KLRG2: variants seen among roughly 807,000 people sequenced by gnomAD.
KLRG2 encodes the protein killer cell lectin-like receptor subfamily G member 2.
Under a neutral mutation model 35.4 loss-of-function variants are expected in KLRG2, and 39 were observed. The observed-to-expected ratio is 1.10, with a 90% CI of 0.85 to 1.44. KLRG2 has a LOEUF of 1.44. Ranked by LOEUF, KLRG2 falls within the 40% of genes most tolerant of loss-of-function variation. The pLI, the probability that KLRG2 is intolerant of heterozygous loss-of-function variation, is 0.00. For synonymous variants in KLRG2, 283 were observed against 265.8 expected, an observed-to-expected ratio of 1.06 and a Z score of -0.63; for missense variants, 632 against 570.9, an observed-to-expected ratio of 1.11 and a Z score of -1.09.
At chr7:139,447,820 C>T (rs1454402798), downstream of KLRG2, among the ~76,000 whole-genome samples, 2 of 152,104 alleles carry the variant, frequency 1.3e-5, no homozygotes, top group Admixed American at 6.6e-5. Flanking sequence ...GCCTGGCTGC[C>T]GAAGCTGCCT....
chr7:139,462,010 C>T (rs977086412), intron 3 of KLRG2, among the ~76,000 whole-genome samples: 1 of 152,220 alleles, frequency 6.6e-6, no homozygotes, highest in Non-Finnish European at 1.5e-5. Flanking sequence ...TCTTTTTACG[C>T]TTTTCTCCAA....
At chr7:139,460,220 A>C (rs766160498) in intron 3 of KLRG2, among the ~76,000 whole-genome samples, 2 of 152,206 alleles carry the variant, frequency 1.3e-5, no homozygotes, top group Non-Finnish European at 2.9e-5. Flanking sequence ...GGAAGATACC[A>C]GGACTGTTTC....
chr7:139,445,567 CATG>C, the KLRG2 span, among the ~76,000 whole-genome samples: 18 of 151,618 alleles, frequency 1.2e-4, no homozygotes, highest in African/African-American at 3.6e-4. Flanking sequence ...GAAGAAGGGA[CATG>C]AGGCCTGACA....
intron 3 of KLRG2, among the ~76,000 whole-genome samples, chr7:139,456,405 A>G (rs2116429795): frequency 6.6e-6 from 1 of 152,208 alleles, no homozygotes; most frequent in South Asian, 2.1e-4. Context: ...TTGCTCAGCC[A>G]CCTAGGCTGG....
the KLRG2 span, among the ~76,000 whole-genome samples, chr7:139,441,822 G>A: frequency 6.6e-6 from 1 of 152,206 alleles, no homozygotes; most frequent in African/African-American, 2.4e-5. Context: ...TGGCCACCAC[G>A]TTCTGAACCA....
the KLRG2 span, among the ~76,000 whole-genome samples, chr7:139,446,250 C>G: frequency 6.6e-6 from 1 of 151,532 alleles, no homozygotes; most frequent in Admixed American, 6.6e-5. Flanking sequence ...AGTCTGCAGT[C>G]TCACTGAGCC....
rs753004658 is a variant in KLRG2 at position 139,454,157 on chromosome 7, G to A, written c.1063C>T (p.Pro355Ser). ...TCGTCGATCCAGTGCCAGCCCTGGG[G>A]GCCTCGCCAGGCCCCCACCCAGGAG... Reference protein sequence around the residue: ...RHSWVGAWRGPQGWHWIDEAP... With the variant: ...RHSWVGAWRGSQGWHWIDEAP... Residue 355 changes from proline to serine, a missense_variant, in exon 4 of 5, where the codon CCC becomes TCC. Pro to Ser is a moderately conservative substitution (Grantham distance 74, BLOSUM62 -1). Transcript: ENST00000340940. 3 of 1,545,140 alleles carry A rather than the reference G, an allele frequency of 1.9e-6. No homozygotes were observed. Among genetic ancestry groups the A allele is most frequent in the South Asian group, 2.4e-5 (2 of 83,510 alleles).
chr7:139,480,284 A>G (rs1295461804), intron 1 of KLRG2, 37 bp from the exon 2 acceptor site: 2 of 1,229,038 alleles, frequency 1.6e-6, no homozygotes, highest in Non-Finnish European at 2.4e-6. Context: ...AGATTAGTGG[A>G]GACCATCCCA....
the KLRG2 span, among the ~76,000 whole-genome samples, chr7:139,428,021 A>C: frequency 6.6e-6 from 1 of 152,214 alleles, no homozygotes. Flanking sequence ...TCTTTCTGGC[A>C]TAAAGTATTG....
intron 2 of KLRG2, 54 bp downstream of exon 2, chr7:139,480,092 G>C: frequency 8.4e-7 from 1 of 1,195,812 alleles, no homozygotes; most frequent in Non-Finnish European, 1.3e-6. Context: ...TGGAAACACA[G>C]CCCCAGTAGT....
chr7:139,459,410 C>T (rs1796531320), intron 3 of KLRG2, among the ~76,000 whole-genome samples: 1 of 152,238 alleles, frequency 6.6e-6, no homozygotes, highest in South Asian at 2.1e-4. Context: ...CCCCGCCCTG[C>T]TTGGCTCCTG....
chr7:139,483,003 C>T lies in KLRG2; in HGVS notation c.640G>A (p.Gly214Ser), dbSNP rs1415250813. 16 of 1,377,522 alleles carry T rather than the reference C, an allele frequency of 1.2e-5. No individual in the cohort carries two copies. The highest frequency in any genetic ancestry group is 1.5e-5 in the Non-Finnish European group (16 of 1,073,746). The allele number at this position is 1,377,522 out of a possible 1,614,324, so 85.3% of individuals were successfully genotyped here. A position where few individuals can be genotyped will look rare whatever the true frequency, so the allele number is the denominator to read the frequency against. The change falls in exon 1 of 5, where the codon GGC becomes AGC. Residue 214 changes from glycine to serine, a missense_variant. Transcript: ENST00000340940. ...SPAEGSAGSP[G>S]SPTCCRCKEL... ...TTGCAGCGGCAGCACGTGGGGGAGC[C>T]CGGGGAGCCGGCGCTTCCTTCCGCG...
chr7:139,464,713 T>C (rs1796620987), intron 3 of KLRG2, among the ~76,000 whole-genome samples: 2 of 152,254 alleles, frequency 1.3e-5, no homozygotes, highest in African/African-American at 2.4e-5. Context: ...CCGCGCCCTG[T>C]AGTCTTTCTG....
At chr7:139,431,178 T>G in the KLRG2 span, among the ~76,000 whole-genome samples, 1 of 152,106 alleles carries the variant, frequency 6.6e-6, no homozygotes, top group Non-Finnish European at 1.5e-5. Flanking sequence ...CAATCAATTC[T>G]CTATGTGAAA....
At chr7:139,458,028 A>C (rs993009353) in intron 3 of KLRG2, among the ~76,000 whole-genome samples, 1 of 152,168 alleles carries the variant, frequency 6.6e-6, no homozygotes, top group Non-Finnish European at 1.5e-5. Flanking sequence ...TTACGTCTTA[A>C]AATTATAGAA....
At chr7:139,481,627 C>G (rs1377719801) in intron 1 of KLRG2, among the ~76,000 whole-genome samples, 1 of 152,154 alleles carries the variant, frequency 6.6e-6, no homozygotes, top group Non-Finnish European at 1.5e-5. Context: ...ACTCACCTTT[C>G]AAGATGTGGC....
At chr7:139,470,802 CA>C (rs1482506834) in intron 3 of KLRG2, among the ~76,000 whole-genome samples, 2 of 150,702 alleles carry the variant, frequency 1.3e-5, no homozygotes, top group Non-Finnish European at 3.0e-5. Flanking sequence ...AAAACAAAAA[CA>C]AAAATAAAAT....
chr7:139,434,212 C>T, the KLRG2 span, among the ~76,000 whole-genome samples: 1 of 152,252 alleles, frequency 6.6e-6, no homozygotes, highest in African/African-American at 2.4e-5. Flanking sequence ...CAAGTACATC[C>T]TTTAGGGCTC....
At chr7:139,475,802 AGGCCTGGACTT>A (rs891673556) in intron 3 of KLRG2, among the ~76,000 whole-genome samples, 4 of 152,176 alleles carry the variant, frequency 2.6e-5, no homozygotes, top group Admixed American at 2.6e-4. Flanking sequence ...GAAGTTCCAG[AGGCCTGGACTT>A]GCGACGGGCG....
Sources: gnomAD v4.1 joint callset for allele counts (sites outside exome capture counted in the v4.1 genomes callset) on GRCh38, gnomAD v4.1.1 for gene constraint, MANE v1.5 for transcripts, NCBI Gene and HGNC (gene_info 2026-07-23, HGNC 2026-07-21) for gene names.